CUBN: variants seen among roughly 807,000 people sequenced by gnomAD.
The protein encoded by CUBN is cubilin.
CUBN carries 282 observed loss-of-function variants against 405.3 expected under a neutral mutation model. That is an observed-to-expected ratio of 0.70 (90% confidence interval 0.63 to 0.77). The LOEUF is 0.77. Among genes scored for constraint, CUBN ranks in the 30% least tolerant of loss-of-function variants. The pLI is 0.00. For missense variants in CUBN, 4,514 were observed against 4,475.2 expected (o/e 1.01, Z -0.25); for synonymous variants, 1,684 against 1,617.0 (o/e 1.04, Z -0.99).
intron 64 of CUBN, among the ~76,000 whole-genome samples, chr10:16,832,152 T>C (rs1839021187): frequency 6.6e-6 from 1 of 152,168 alleles, no homozygotes; most frequent in South Asian, 2.1e-4. Context: ...TCCCCCAGCC[T>C]GGCTGCTACC....
chr10:16,829,158 G>C (rs1455886823), intron 65 of CUBN, 118 bp from the exon 66 acceptor site: 2 of 765,510 alleles, frequency 2.6e-6, no homozygotes, highest in Admixed American at 4.0e-5. Context: ...GAATAATGGA[G>C]GCAGAAATCC....
At chr10:17,040,147 G>C (rs1834985549) in intron 27 of CUBN, among the ~76,000 whole-genome samples, 1 of 152,030 alleles carries the variant, frequency 6.6e-6, no homozygotes, top group Non-Finnish European at 1.5e-5. Flanking sequence ...AAAAATCACT[G>C]ACCACCTTAA....
chr10:17,111,678 C>A (rs1419076362), intron 8 of CUBN, among the ~76,000 whole-genome samples: 1 of 152,168 alleles, frequency 6.6e-6, no homozygotes, highest in Non-Finnish European at 1.5e-5. Context: ...AATCCCAGCA[C>A]TTTGGGAGGC....
In CUBN at chr10:16,859,226, T is replaced by G. The variant is rs1253574588; in HGVS notation, c.9455-7783A>C. On this transcript the variant is annotated intron_variant, in intron 59 of 66. Transcript: ENST00000377833. ...GAAATAACATTTGCAAACCACATAC[T>G]GACAAAGGATCATTGATTGAGAATA... 3.9e-5 allele frequency among the ~76,000 whole-genome samples: 6 copies of G among 152,236 alleles called. No individual in the cohort carries two copies. The South Asian group carries it at 1.2e-3, about 32-fold the overall frequency.
At chr10:17,022,925 T>G (rs1834535727) in intron 27 of CUBN, among the ~76,000 whole-genome samples, 1 of 152,216 alleles carries the variant, frequency 6.6e-6, no homozygotes, top group South Asian at 2.1e-4. Context: ...ATAGGTAAGA[T>G]TTCTCCATAA....
At chr10:17,114,634 G>A (rs775451072) in intron 7 of CUBN, among the ~76,000 whole-genome samples, 15 of 152,100 alleles carry the variant, frequency 9.9e-5, no homozygotes, top group Non-Finnish European at 2.1e-4. Flanking sequence ...TCCATCACAT[G>A]GGTAGAAAAA....
rs770829409 is a variant in CUBN, at chr10:16,840,321, A to G, written c.10032+9T>C. ...TAGATGTGACTGCCATTCATCTTAT[A>G]ATTGTTACCTGCGGTGAGTCCTGAA... On this transcript the variant is annotated intron_variant, in intron 62 of 66. Coordinates refer to ENST00000377833, the MANE Select transcript of CUBN (RefSeq NM_001081.4). 1.2e-5 allele frequency: 20 copies of G among 1,612,186 alleles called. No individual in the cohort carries two copies. In the South Asian group the frequency reaches 2.2e-4, roughly 18 times the overall value.
At chr10:17,111,976 G>A (rs1335570381) in intron 8 of CUBN, among the ~76,000 whole-genome samples, 1 of 152,166 alleles carries the variant, frequency 6.6e-6, no homozygotes, top group Non-Finnish European at 1.5e-5. Context: ...CTAATTTGGG[G>A]AAAGAATTTT....
chr10:16,933,438 T>A (rs923497751), intron 39 of CUBN, among the ~76,000 whole-genome samples, 154 bp from the exon 40 acceptor site: 2 of 152,230 alleles, frequency 1.3e-5, no homozygotes, highest in Non-Finnish European at 2.9e-5. Context: ...TGTAACCCAC[T>A]GATTCGGAAA....
At chr10:17,005,327 TACC>T (rs1479981017) in intron 28 of CUBN, among the ~76,000 whole-genome samples, 1 of 152,226 alleles carries the variant, frequency 6.6e-6, no homozygotes, top group Non-Finnish European at 1.5e-5. Context: ...GAAAATTTAA[TACC>T]ACAAGTATAT....
intron 28 of CUBN, among the ~76,000 whole-genome samples, chr10:16,995,129 C>G (rs1833696430): frequency 6.6e-6 from 1 of 152,184 alleles, no homozygotes; most frequent in African/African-American, 2.4e-5. Flanking sequence ...AAGAAAGGAA[C>G]AGTGACATGA....
At chr10:16,977,184 G>C (rs2131683791) in intron 31 of CUBN, among the ~76,000 whole-genome samples, 1 of 152,236 alleles carries the variant, frequency 6.6e-6, no homozygotes. Context: ...AGGTAGAAGA[G>C]GGCAGTTCCC....
intron 38 of CUBN, among the ~76,000 whole-genome samples, chr10:16,938,750 T>A (rs559883205): frequency 6.6e-6 from 1 of 152,082 alleles, no homozygotes; most frequent in East Asian, 1.9e-4. Flanking sequence ...ATAATAATCC[T>A]AAAAAACCCC....
chr10:16,874,124 A>G (rs958026178), intron 58 of CUBN, among the ~76,000 whole-genome samples: 1 of 152,118 alleles, frequency 6.6e-6, no homozygotes, highest in African/African-American at 2.4e-5. Flanking sequence ...CTCCTTCACA[A>G]TTGTTGGGAA....
At chr10:17,021,528 C>A (rs1237840495) in intron 27 of CUBN, among the ~76,000 whole-genome samples, 1 of 152,140 alleles carries the variant, frequency 6.6e-6, no homozygotes, top group Non-Finnish European at 1.5e-5. Context: ...CTCGAGGATG[C>A]CCTTGGAGAG....
Position 16,948,603 on chromosome 10 carries a change from C to T in CUBN, c.5084G>A (p.Arg1695His), listed in dbSNP as rs145880377. 1.9e-5 allele frequency: 31 copies of T among 1,613,476 alleles called. No homozygotes were observed. In the Middle Eastern group the frequency reaches 4.9e-4, roughly 26 times the overall value. Residue 1695 changes from arginine to histidine, a missense_variant, in exon 35 of 67, where the codon CGT (arginine) becomes CAT (histidine). Arg to His is a conservative substitution (Grantham distance 29). Coordinates refer to ENST00000377833, the MANE Select transcript of CUBN (RefSeq NM_001081.4). Reference sequence around the variant, plus strand: ...ATGGGGCATGTCGGTGCCACAGTAACGGCCTAAATAATGAAGATAATGACA... The same window carrying T: ...ATGGGGCATGTCGGTGCCACAGTAATGGCCTAAATAATGAAGATAATGACA... ...GGHEDAPLRG[R>H]YCGTDMPHPI... is the part of the protein sequence containing the mutation.
intron 51 of CUBN, among the ~76,000 whole-genome samples, chr10:16,902,238 CTATATATATTTGTATATATAGTA>C (rs1444469882): frequency 9.7e-5 from 12 of 123,742 alleles, no homozygotes; most frequent in Non-Finnish European, 1.8e-4. Flanking sequence ...TATATATATA[CTATATATATTTGTATATATAGTA>C]TATATATATT....
chr10:16,991,189 A>G (rs1476557188), intron 28 of CUBN, among the ~76,000 whole-genome samples: 1 of 152,254 alleles, frequency 6.6e-6, no homozygotes, highest in African/African-American at 2.4e-5. Flanking sequence ...AAATAATCAA[A>G]TGCTGTAGCC....
At chr10:17,086,635 T>G (rs1474701708) in intron 15 of CUBN, among the ~76,000 whole-genome samples, 1 of 152,234 alleles carries the variant, frequency 6.6e-6, no homozygotes, top group African/African-American at 2.4e-5. Flanking sequence ...TGTCAATCTC[T>G]CTATAATTTT....
Sources: gnomAD v4.1 joint callset for allele counts (sites outside exome capture counted in the v4.1 genomes callset) on GRCh38, gnomAD v4.1.1 for gene constraint, MANE v1.5 for transcripts, NCBI Gene and HGNC (gene_info 2026-07-23, HGNC 2026-07-21) for gene names.